The following PLCB1 variants were observed in gnomAD, a reference collection of about 807,000 sequenced individuals.
PLCB1 encodes the protein 1-phosphatidylinositol 4,5-bisphosphate phosphodiesterase beta-1.
Under a neutral mutation model 161.8 loss-of-function variants are expected in PLCB1, and 46 were observed. That is an observed-to-expected ratio of 0.28 (90% CI 0.22 to 0.36). The LOEUF (loss-of-function observed/expected upper bound fraction) is 0.36. PLCB1 is among the 10% of genes least tolerant of loss of function. The pLI, the probability that PLCB1 is intolerant of heterozygous loss-of-function variation, is 1.00. For missense variants in PLCB1, 1,016 were observed against 1,472.5 expected (o/e 0.69, Z 5.07); for synonymous variants, 517 against 503.7 (o/e 1.03, Z -0.35).
At chr20:8,163,688 C>T (rs924212001) in intron 2 of PLCB1, among the ~76,000 whole-genome samples, 3 of 152,128 alleles carry the variant, frequency 2.0e-5, no homozygotes, top group Admixed American at 6.5e-5. Flanking sequence ...AAATGCCGGC[C>T]GACATACCCC....
chr20:8,272,117 G>A (rs1982315354), intron 2 of PLCB1, among the ~76,000 whole-genome samples: 2 of 152,052 alleles, frequency 1.3e-5, no homozygotes. Flanking sequence ...GCAAAAAGAA[G>A]AGCTTAGATA....
Position 8,235,692 on chromosome 20 carries a change from G to A in PLCB1, c.177+85321G>A, listed in dbSNP as rs761338352. Among the ~76,000 whole-genome samples the A allele has an allele frequency of 3.9e-5, 6 of 151,996 alleles. 1 individual carries two copies. Among genetic ancestry groups the A allele is most frequent in the South Asian group, 4.1e-4 (2 of 4,832 alleles). ...TTAGAATTGTCATTTTATAACTTGC[G>A]TATGAGATGACTGTCTACCCTGAAA... On this transcript the variant is annotated intron_variant, in intron 2 of 31. Coordinates refer to ENST00000338037, the MANE Select transcript of PLCB1 (RefSeq NM_015192.4).
chr20:8,163,955 A>G (rs970761098), intron 2 of PLCB1, among the ~76,000 whole-genome samples: 1 of 152,216 alleles, frequency 6.6e-6, no homozygotes, highest in African/African-American at 2.4e-5. Context: ...GTGCTGTGGC[A>G]TAAAGACTAG....
intron 2 of PLCB1, among the ~76,000 whole-genome samples, chr20:8,368,503 G>T (rs1366553505): frequency 7.0e-6 from 1 of 142,766 alleles, no homozygotes; most frequent in African/African-American, 2.7e-5. Context: ...CTTTAGCCTG[G>T]GTGATGGAGT....
chr20:8,717,456 G>C (rs1378953464), intron 13 of PLCB1, among the ~76,000 whole-genome samples: 1 of 151,990 alleles, frequency 6.6e-6, no homozygotes, highest in East Asian at 1.9e-4. Flanking sequence ...TCTTCATGTA[G>C]AATATGTTGA....
chr20:8,658,487 A>T (rs775255837), intron 8 of PLCB1, 51 bp from the exon 9 acceptor site: 1 of 1,374,452 alleles, frequency 7.3e-7, no homozygotes, highest in Admixed American at 2.2e-5. Context: ...AAATATTAGA[A>T]TGAAACTTAG....
At chr20:8,458,344 A>G (rs565201466) in intron 3 of PLCB1, among the ~76,000 whole-genome samples, 2 of 152,310 alleles carry the variant, frequency 1.3e-5, no homozygotes, top group East Asian at 1.9e-4. Flanking sequence ...TGATCAATCA[A>G]TATTTTTTGA....
chr20:8,686,926 T>C (rs1453503054), intron 10 of PLCB1, among the ~76,000 whole-genome samples: 1 of 152,182 alleles, frequency 6.6e-6, no homozygotes. Flanking sequence ...TTGCCTGGAC[T>C]GTTTCAGTGA....
chr20:8,540,325 G>A (rs1022081149), intron 3 of PLCB1, among the ~76,000 whole-genome samples: 13 of 151,944 alleles, frequency 8.6e-5, no homozygotes, highest in South Asian at 2.1e-4. Context: ...CTTTTCTGAC[G>A]TGGTGAAGCG....
chr20:8,236,698 C>T (rs1243728612), intron 2 of PLCB1, among the ~76,000 whole-genome samples: 3 of 151,790 alleles, frequency 2.0e-5, no homozygotes, highest in African/African-American at 4.8e-5. Context: ...ATGCCAAGTC[C>T]GAACCAAACA....
At chr20:8,577,790 T>C (rs533269406) in intron 3 of PLCB1, among the ~76,000 whole-genome samples, 1 of 152,284 alleles carries the variant, frequency 6.6e-6, no homozygotes, top group Non-Finnish European at 1.5e-5. Context: ...TTCTCCCCTT[T>C]CTGTCTTCCT....
intron 3 of PLCB1, among the ~76,000 whole-genome samples, chr20:8,468,507 C>G (rs776595510): frequency 6.6e-6 from 1 of 152,044 alleles, no homozygotes. Flanking sequence ...TACATTTTTA[C>G]TTTTTGTATA....
In PLCB1 at chr20:8,774,522, ACT is replaced by A. The variant is rs878997073; in HGVS notation, c.2931-14_2931-13del. 5.7e-6 allele frequency: 9 copies of A among 1,573,956 alleles called. No homozygotes were observed. The South Asian group carries it at 5.9e-5, about 10-fold the overall frequency. On this transcript the variant is annotated splice_polypyrimidine_tract_variant and intron_variant, in intron 26 of 31. Transcript: ENST00000338037. ...ATGGCCTGTCTGTTTTGTGAGTCAA[ACT>A]CTGTGTCTTTGCAGATCGGAACCCA...
intron 2 of PLCB1, among the ~76,000 whole-genome samples, chr20:8,229,500 T>A (rs1979891079): frequency 6.6e-6 from 1 of 152,168 alleles, no homozygotes; most frequent in African/African-American, 2.4e-5. Flanking sequence ...TAAATTTCAA[T>A]TAGTTTAACT....
chr20:8,538,651 T>C (rs1782428442), intron 3 of PLCB1, among the ~76,000 whole-genome samples: 1 of 151,704 alleles, frequency 6.6e-6, no homozygotes, highest in African/African-American at 2.4e-5. Context: ...GCCCAGCTGA[T>C]AAGGTACTCT....
At chr20:8,603,648 C>T (rs1181432808) in intron 3 of PLCB1, among the ~76,000 whole-genome samples, 1 of 152,254 alleles carries the variant, frequency 6.6e-6, no homozygotes, top group Non-Finnish European at 1.5e-5. Context: ...GAATCAGCAC[C>T]TCTGGGGTTG....
intron 3 of PLCB1, among the ~76,000 whole-genome samples, chr20:8,534,817 C>A (rs887113872): frequency 2.6e-5 from 4 of 152,140 alleles, no homozygotes; most frequent in African/African-American, 9.7e-5. Context: ...AATTATCCAT[C>A]TTGACAGGTG....
At chr20:8,576,463 G>T (rs1047168473) in intron 3 of PLCB1, among the ~76,000 whole-genome samples, 72 of 94,158 alleles carry the variant, frequency 7.6e-4, no homozygotes, top group African/African-American at 3.2e-3. Flanking sequence ...TTTAGCAAAA[G>T]GTTTGGAGAT....
At chr20:8,833,346 C>T (rs1004145360) in intron 31 of PLCB1, among the ~76,000 whole-genome samples, 6 of 152,200 alleles carry the variant, frequency 3.9e-5, no homozygotes, top group Non-Finnish European at 5.9e-5. Context: ...CATCAGATCT[C>T]ATGAGACTTA....
Sources: allele counts gnomAD v4.1 joint callset (sites outside exome capture counted in the v4.1 genomes callset), GRCh38; gene constraint gnomAD v4.1.1; transcripts MANE v1.5; gene names NCBI Gene and HGNC (gene_info 2026-07-23, HGNC 2026-07-21).